The following PTPRN2 variants were observed in gnomAD, a reference collection of about 807,000 sequenced individuals.
PTPRN2 encodes receptor-type tyrosine-protein phosphatase N2.
A neutral mutation model predicts 118.8 loss-of-function variants in PTPRN2; 74 were observed. That is an observed-to-expected ratio of 0.62 (90% CI 0.52 to 0.76). PTPRN2 has a LOEUF of 0.76. Ranked by LOEUF, PTPRN2 falls within the 30% of genes least tolerant of loss-of-function variation. PTPRN2 has a pLI of 0.00. For missense variants in PTPRN2, 1,481 were observed against 1,394.4 expected, an observed-to-expected ratio of 1.06 and a Z score of -0.99; for synonymous variants, 641 against 608.0, an observed-to-expected ratio of 1.05 and a Z score of -0.80.
At chr7:157,600,769 C>T (rs1164481170) in intron 16 of PTPRN2, among the ~76,000 whole-genome samples, 1 of 152,158 alleles carries the variant, frequency 6.6e-6, no homozygotes, top group East Asian at 1.9e-4. Flanking sequence ...TTGAGATTTA[C>T]TTAAGTAAAA....
intron 11 of PTPRN2, among the ~76,000 whole-genome samples, chr7:158,040,391 A>G (rs1317051049): frequency 7.1e-6 from 1 of 140,708 alleles, no homozygotes; most frequent in Non-Finnish European, 1.6e-5. Flanking sequence ...ACACATGTGC[A>G]CACACTTCAC....
chr7:157,654,268 A>C (rs1375301525), intron 14 of PTPRN2, among the ~76,000 whole-genome samples: 30 of 37,454 alleles, frequency 8.0e-4, no homozygotes, highest in Admixed American at 2.5e-3. Context: ...CCCCACACCC[A>C]CCCCAATTCC....
chr7:157,862,673 GCA>G (rs1810327118), intron 12 of PTPRN2: 1 of 152,264 alleles, frequency 6.6e-6, no homozygotes. Context: ...CCAGTGCTGA[GCA>G]CAGTCCCTGA....
At chr7:157,991,912 C>T (rs1209147373) in intron 11 of PTPRN2, among the ~76,000 whole-genome samples, 5 of 152,022 alleles carry the variant, frequency 3.3e-5, no homozygotes, top group East Asian at 3.9e-4. Context: ...CTCCCAGCAT[C>T]GGTCACAGCC....
intron 2 of PTPRN2, among the ~76,000 whole-genome samples, chr7:158,384,377 A>G (rs1811176348): frequency 6.6e-6 from 1 of 152,192 alleles, no homozygotes; most frequent in Non-Finnish European, 1.5e-5. Context: ...GCTGTAAACT[A>G]TTAATGCAAG....
chr7:158,023,041 A>T (rs1157276699), intron 11 of PTPRN2, among the ~76,000 whole-genome samples: 1 of 152,246 alleles, frequency 6.6e-6, no homozygotes, highest in Non-Finnish European at 1.5e-5. Context: ...TATCCCTGAT[A>T]AACAAAAATC....
chr7:158,281,770 G>A (rs960817342), intron 3 of PTPRN2, among the ~76,000 whole-genome samples: 4 of 152,230 alleles, frequency 2.6e-5, no homozygotes, highest in African/African-American at 7.2e-5. Context: ...CCCCATCCAT[G>A]CTCCTAGAAA....
intron 11 of PTPRN2, among the ~76,000 whole-genome samples, chr7:158,047,260 A>G (rs1289747404): frequency 1.8e-4 from 27 of 152,256 alleles, no homozygotes; most frequent in Admixed American, 1.8e-3. Flanking sequence ...GCCAGGCTGG[A>G]GCCCATGGGC....
intron 2 of PTPRN2, among the ~76,000 whole-genome samples, chr7:158,319,428 A>ACAGCCTCCCT (rs1802647113): frequency 2.7e-5 from 3 of 112,610 alleles, no homozygotes; most frequent in Admixed American, 8.9e-5. Context: ...CCACACACAC[A>ACAGCCTCCCT]CACACACAGC....
At chr7:157,792,312 A>G (rs2151078299) in intron 12 of PTPRN2, among the ~76,000 whole-genome samples, 1 of 152,330 alleles carries the variant, frequency 6.6e-6, no homozygotes, top group African/African-American at 2.4e-5. Context: ...CGTACTTGCT[A>G]TACTCAGGCC....
intron 5 of PTPRN2, among the ~76,000 whole-genome samples, chr7:158,175,023 G>A (rs544207084): frequency 4.6e-5 from 7 of 152,336 alleles, no homozygotes; most frequent in South Asian, 4.1e-4. Context: ...AAGGCCTGGA[G>A]GTCCGGGGAG....
At chr7:158,437,117 C>G (rs957422032) in intron 2 of PTPRN2, among the ~76,000 whole-genome samples, 1 of 152,164 alleles carries the variant, frequency 6.6e-6, no homozygotes, top group Non-Finnish European at 1.5e-5. Context: ...TCTCCTCTGC[C>G]TCATACACTC....
At chr7:157,621,581 C>A in intron 14 of PTPRN2, 72 bp from the exon 15 acceptor site, 1 of 1,583,180 alleles carries the variant, frequency 6.3e-7, no homozygotes, top group Non-Finnish European at 8.6e-7. Flanking sequence ...CAAAAGGCAG[C>A]GGAGGCCTTT....
chr7:157,756,343 G>A (rs1446114053), intron 12 of PTPRN2, among the ~76,000 whole-genome samples: 2 of 151,232 alleles, frequency 1.3e-5, no homozygotes, highest in Admixed American at 1.3e-4. Context: ...CGCCCAGGCT[G>A]GAGTGCAGTG....
intron 2 of PTPRN2, among the ~76,000 whole-genome samples, chr7:158,340,549 G>T (rs560535806): frequency 5.6e-5 from 6 of 107,398 alleles, no homozygotes; most frequent in African/African-American, 1.4e-4. Context: ...CGCCCGCAGA[G>T]GTCACTCACA....
Position 157,550,093 on chromosome 7 carries a change from C to T in PTPRN2, c.2903-1074G>A, listed in dbSNP as rs1242455499. Among the ~76,000 whole-genome samples, 1 of 152,224 alleles carries T rather than the reference C, an allele frequency of 6.6e-6. No homozygotes were observed. The highest frequency in any genetic ancestry group is 6.5e-5 in the Admixed American group (1 of 15,284). On this transcript the variant is annotated intron_variant, in intron 21 of 22. Transcript: ENST00000389418. This position sits in a 1 kb window ranked among gnomAD's most constrained non-coding sequence, Gnocchi z 5.2. ...GGGTGGCCCAGAGTCAGGTGGTCCC[C>T]AGGCCTTTCTCTCCGGCCGCAACCT...
intron 11 of PTPRN2, among the ~76,000 whole-genome samples, chr7:157,919,798 G>A (rs907317532): frequency 2.0e-5 from 3 of 152,200 alleles, no homozygotes; most frequent in African/African-American, 7.2e-5. Context: ...GTTTTGGTCA[G>A]TGATGAACCA....
chr7:158,491,639 G>A (rs1469063792), intron 1 of PTPRN2, among the ~76,000 whole-genome samples: 3 of 152,034 alleles, frequency 2.0e-5, no homozygotes, highest in Non-Finnish European at 2.9e-5. Flanking sequence ...ACAGGCGTGC[G>A]CCAGCATACC....
At chr7:158,337,756 GGTGACA>G (rs1563168561) in intron 2 of PTPRN2, among the ~76,000 whole-genome samples, 1,635 of 113,058 alleles carry the variant, frequency 0.014, 18 homozygotes, top group Middle Eastern at 0.018. Flanking sequence ...CACCATAAGA[GGTGACA>G]CCTGCAAACG....
Sources: gnomAD v4.1 joint callset for allele counts (sites outside exome capture counted in the v4.1 genomes callset) on GRCh38, gnomAD v4.1.1 for gene constraint, Gnocchi (gnomAD v3.1) non-coding constraint, MANE v1.5 for transcripts, NCBI Gene and HGNC (gene_info 2026-07-23, HGNC 2026-07-21) for gene names.